SLC20A2: variants seen among roughly 807,000 people sequenced by gnomAD.
SLC20A2 encodes the protein solute carrier family 20 member 2, also known as sodium-dependent phosphate transporter 2.
Under a neutral mutation model 61.0 loss-of-function variants are expected in SLC20A2, and 30 were observed. The ratio of observed to expected loss-of-function variants is 0.49; its 90% CI spans 0.37 to 0.67. The LOEUF (loss-of-function observed/expected upper bound fraction) is 0.67, where lower values mean the gene tolerates loss of function less well. SLC20A2 is among the 30% of genes least tolerant of loss of function. SLC20A2 has a pLI of 0.00. For missense variants in SLC20A2, 626 were observed against 866.4 expected (o/e 0.72, Z 3.48); for synonymous variants, 351 against 353.3 (o/e 0.99, Z 0.07).
At chr8:42,436,843 A>T in intron 8 of SLC20A2, 146 bp downstream of exon 8, 1 of 697,492 alleles carries the variant, frequency 1.4e-6, no homozygotes, top group Non-Finnish European at 2.4e-6. Context: ...ATGCTGACTT[A>T]TGGGTCTGTC....
At chr8:42,424,846 G>A (rs1803292733) in intron 10 of SLC20A2, among the ~76,000 whole-genome samples, 1 of 152,188 alleles carries the variant, frequency 6.6e-6, no homozygotes, top group African/African-American at 2.4e-5. Flanking sequence ...AGGAGTTCAA[G>A]ACCAGCCTGG....
chr8:42,463,017 G>A lies in SLC20A2; in HGVS notation c.504C>T (p.Phe168=). 1 of 1,590,858 alleles carries A rather than the reference G, an allele frequency of 6.3e-7. No individual in the cohort carries two copies. Among genetic ancestry groups the A allele is most frequent in the Non-Finnish European group, 8.5e-7 (1 of 1,170,006 alleles). ...CAGCCCCACTTACCTTTTTTAAGAT[G>A]AAAATTCTGATGAGTACAAACAGCA... ...SGLLFVLIRI[F]ILKKEDPVPN... is the part of the protein sequence containing the mutation. Residue 168 remains phenylalanine, a synonymous_variant, in exon 4 of 11, where the codon TTC becomes TTT. Coordinates refer to ENST00000520262, the MANE Select transcript of SLC20A2 (RefSeq NM_001257180.2).
At chr8:42,469,575 C>A (rs951561233) in intron 2 of SLC20A2, among the ~76,000 whole-genome samples, 6 of 152,122 alleles carry the variant, frequency 3.9e-5, no homozygotes, top group African/African-American at 1.4e-4. Context: ...TAACAAATTT[C>A]TTTAATAAGC....
At position 42,436,977 on chromosome 8, in the gene SLC20A2, G is replaced by GA; in HGVS notation, c.1523+11dup. ...AAGGACCCTTGTTGAATGAATGAAT[G>GA]AAAGCACCCACCTCACGTCATTGCC... On this transcript the variant is annotated intron_variant, in intron 8 of 10. Coordinates refer to ENST00000520262, the MANE Select transcript of SLC20A2 (RefSeq NM_001257180.2). 1 of 1,578,888 alleles carries GA rather than the reference G, an allele frequency of 6.3e-7. No individual in the cohort carries two copies. Among genetic ancestry groups the GA allele is most frequent in the South Asian group, 1.2e-5 (1 of 84,142 alleles).
At chr8:42,438,043 T>A (rs1428280059) in intron 7 of SLC20A2, among the ~76,000 whole-genome samples, 1 of 112,542 alleles carries the variant, frequency 8.9e-6, no homozygotes, top group African/African-American at 3.2e-5. Context: ...TGTAATATGG[T>A]TACCACTAAA....
intron 1 of SLC20A2, among the ~76,000 whole-genome samples, chr8:42,510,077 A>G (rs952905951): frequency 6.6e-6 from 1 of 152,238 alleles, no homozygotes. Flanking sequence ...GGCTTGAACT[A>G]GATATATATC....
intron 5 of SLC20A2, among the ~76,000 whole-genome samples, chr8:42,453,212 G>A (rs1805881069): frequency 6.6e-6 from 1 of 152,120 alleles, no homozygotes; most frequent in Admixed American, 6.6e-5. Context: ...ACAAAAACCA[G>A]GCCCCACACA....
chr8:42,541,518 G>GAA (rs34936218), intron 1 of SLC20A2: 2,577 of 125,744 alleles, frequency 0.02, 34 homozygotes, highest in Non-Finnish European at 0.032. Flanking sequence ...AAGGGGAAAG[G>GAA]AAAAAAAAAA....
chr8:42,460,079 T>C, intron 4 of SLC20A2, 87 bp from the exon 5 acceptor site: 2 of 746,796 alleles, frequency 2.7e-6, no homozygotes, highest in East Asian at 2.7e-5. Context: ...AAAATACTGT[T>C]ACAAGAAACT....
intron 1 of SLC20A2, among the ~76,000 whole-genome samples, chr8:42,491,147 C>T (rs1809478857): frequency 6.6e-6 from 1 of 152,210 alleles, no homozygotes; most frequent in Non-Finnish European, 1.5e-5. Flanking sequence ...CGCCTGTAAT[C>T]CCAGCACTTT....
intron 7 of SLC20A2, 29 bp downstream of exon 7, chr8:42,439,421 A>G (rs1440911074): frequency 2.0e-5 from 32 of 1,610,490 alleles, no homozygotes; most frequent in Non-Finnish European, 2.6e-5. Flanking sequence ...GTGCTGCCAC[A>G]GAACCCAAGC....
chr8:42,455,257 T>TATAGAGAG (rs1357416749), intron 5 of SLC20A2, among the ~76,000 whole-genome samples: 16 of 81,616 alleles, frequency 2.0e-4, no homozygotes, highest in African/African-American at 5.7e-4. Context: ...TATATATATA[T>TATAGAGAG]AGAGAGAGAG....
At chr8:42,489,603 G>A (rs1809355763) in intron 1 of SLC20A2, among the ~76,000 whole-genome samples, 1 of 152,202 alleles carries the variant, frequency 6.6e-6, no homozygotes, top group Non-Finnish European at 1.5e-5. Flanking sequence ...GTACTTGGTT[G>A]AACTATTAAT....
intron 10 of SLC20A2, among the ~76,000 whole-genome samples, chr8:42,425,446 T>C (rs943893997): frequency 1.4e-4 from 22 of 152,338 alleles, no homozygotes; most frequent in Admixed American, 2.6e-4. Context: ...ATAAGTGTTA[T>C]GGGGTAATGA....
intron 1 of SLC20A2, among the ~76,000 whole-genome samples, chr8:42,523,128 C>G (rs1230013669): frequency 6.6e-6 from 1 of 152,074 alleles, no homozygotes; most frequent in East Asian, 1.9e-4. Flanking sequence ...GTCAGGAGTT[C>G]GAGACCAGCC....
chr8:42,436,899 C>T (rs534025138), intron 8 of SLC20A2, 90 bp downstream of exon 8: 2 of 1,195,730 alleles, frequency 1.7e-6, no homozygotes, highest in African/African-American at 1.5e-5. Flanking sequence ...CCATCGGTGC[C>T]GTTCACTGCT....
intron 1 of SLC20A2, among the ~76,000 whole-genome samples, chr8:42,540,398 C>A (rs1230642984): frequency 6.6e-6 from 1 of 152,188 alleles, no homozygotes; most frequent in Non-Finnish European, 1.5e-5. Flanking sequence ...AGCATGCACA[C>A]CATTTGGCAC....
At chr8:42,451,807 TGGA>T (rs1204601957) in intron 5 of SLC20A2, among the ~76,000 whole-genome samples, 2 of 88,356 alleles carry the variant, frequency 2.3e-5, no homozygotes, top group African/African-American at 4.7e-5. Flanking sequence ...GAGGAAGAGA[TGGA>T]GGAGGAGAAG....
At position 42,464,701 on chromosome 8, in the gene SLC20A2, G is replaced by A. The variant is rs1011960952; in HGVS notation, c.430+1076C>T. On this transcript the variant is annotated intron_variant, in intron 3 of 10. Coordinates refer to ENST00000520262, the MANE Select transcript of SLC20A2 (RefSeq NM_001257180.2). ...ATTAACAGGAACTTTGGCCAGGTGC[G>A]GTGGCTCACACCTGTAATCCTGGCA... Among the ~76,000 whole-genome samples, 11 of 152,226 alleles carry A rather than the reference G, an allele frequency of 7.2e-5. No homozygotes were observed. The East Asian group carries it at 1.9e-3, about 27-fold the overall frequency.
Sources: allele counts gnomAD v4.1 joint callset (sites outside exome capture counted in the v4.1 genomes callset), GRCh38; gene constraint gnomAD v4.1.1; transcripts MANE v1.5; gene names NCBI Gene and HGNC (gene_info 2026-07-23, HGNC 2026-07-21).